Variants in TMCO1 observed in about 807,000 individuals in gnomAD.
The protein encoded by TMCO1 is transmembrane and coiled-coil domains 1.
TMCO1 carries 29 observed loss-of-function variants against 29.3 expected under a neutral mutation model. The observed-to-expected ratio is 0.99, with a 90% CI of 0.74 to 1.35. TMCO1 has a LOEUF of 1.35. TMCO1 is among the 40% of genes most tolerant of loss of function. TMCO1 has a pLI of 0.00. For synonymous variants in TMCO1, 80 were observed against 77.1 expected, an observed-to-expected ratio of 1.04 and a Z score of -0.20; for missense variants, 173 against 225.5, an observed-to-expected ratio of 0.77 and a Z score of 1.49.
chr1:165,758,128 C>T (rs990559132), intron 3 of TMCO1, among the ~76,000 whole-genome samples: 6 of 152,148 alleles, frequency 3.9e-5, no homozygotes, highest in Non-Finnish European at 7.4e-5. Context: ...ATTTCTTAGA[C>T]ATTTACCATC....
downstream of TMCO1, chr1:165,724,472 C>T: frequency 2.2e-6 from 1 of 454,104 alleles, no homozygotes. Flanking sequence ...CAGAGAGATG[C>T]TGATGAACCA....
chr1:165,760,635 C>A (rs1183939059), intron 2 of TMCO1, among the ~76,000 whole-genome samples: 1 of 151,894 alleles, frequency 6.6e-6, no homozygotes, highest in Non-Finnish European at 1.5e-5. Flanking sequence ...AAACCCATCT[C>A]TACTAAAAAT....
At position 165,752,087 on chromosome 1, in the gene TMCO1, T is replaced by C; in HGVS notation, c.323+15A>G. 6.3e-7 allele frequency: 1 copy of C among 1,598,924 alleles called. No individual in the cohort carries two copies. The highest frequency in any genetic ancestry group is 1.3e-5 in the African/African-American group (1 of 74,614). On this transcript the variant is annotated intron_variant, in intron 5 of 6. Transcript: ENST00000367881. ...GTAATAGTTATTAGTCAAAAGCATA[T>C]AAAAGGACACTCACATGGAATTGAA...
intron 5 of TMCO1, among the ~76,000 whole-genome samples, chr1:165,745,809 A>G (rs1256992546): frequency 6.6e-6 from 1 of 152,198 alleles, no homozygotes; most frequent in Non-Finnish European, 1.5e-5. Context: ...CTAAGACACA[A>G]TATTTTTTTT....
At chr1:165,733,277 A>C (rs961099604) in intron 6 of TMCO1, among the ~76,000 whole-genome samples, 1 of 152,100 alleles carries the variant, frequency 6.6e-6, no homozygotes, top group African/African-American at 2.4e-5. Flanking sequence ...ATAATCTCTC[A>C]ATTTTTCTTT....
At chr1:165,748,219 T>C (rs769522005) in intron 5 of TMCO1, among the ~76,000 whole-genome samples, 53 of 151,548 alleles carry the variant, frequency 3.5e-4, no homozygotes, top group Admixed American at 5.3e-4. Context: ...GTCCCCAACA[T>C]GGGTTACTAT....
intron 6 of TMCO1, among the ~76,000 whole-genome samples, chr1:165,736,685 A>C (rs901519764): frequency 2.0e-5 from 3 of 150,028 alleles, no homozygotes. Flanking sequence ...ATGCCACTGC[A>C]CTACAGCTTG....
intron 2 of TMCO1, among the ~76,000 whole-genome samples, chr1:165,761,668 G>T (rs1652409373): frequency 6.6e-6 from 1 of 152,118 alleles, no homozygotes; most frequent in Non-Finnish European, 1.5e-5. Context: ...AACATTTTAT[G>T]TCGGGTGCAG....
chr1:165,731,068 T>G (rs1039530125), intron 6 of TMCO1, among the ~76,000 whole-genome samples: 1 of 152,000 alleles, frequency 6.6e-6, no homozygotes, highest in African/African-American at 2.4e-5. Context: ...CCCAGCTAAT[T>G]TTTTGTATTT....
chr1:165,761,039 A>C (rs1185861906), intron 2 of TMCO1, among the ~76,000 whole-genome samples: 1 of 152,210 alleles, frequency 6.6e-6, no homozygotes, highest in Non-Finnish European at 1.5e-5. Flanking sequence ...TTAGTACATG[A>C]AGTTTGTCCC....
At chr1:165,753,039 C>G (rs555002442) in intron 4 of TMCO1, among the ~76,000 whole-genome samples, 2 of 152,118 alleles carry the variant, frequency 1.3e-5, no homozygotes, top group Admixed American at 6.6e-5. Flanking sequence ...ATTAATCAAG[C>G]TATATAATTA....
At chr1:165,750,422 T>C (rs1651951565) in intron 5 of TMCO1, among the ~76,000 whole-genome samples, 3 of 151,322 alleles carry the variant, frequency 2.0e-5, no homozygotes, top group Non-Finnish European at 4.4e-5. Flanking sequence ...GCACCTGTAA[T>C]CCCAGCTACT....
chr1:165,768,622 G>A, intron 1 of TMCO1, 60 bp downstream of exon 1: 2 of 1,613,104 alleles, frequency 1.2e-6, no homozygotes, highest in Non-Finnish European at 1.7e-6. Flanking sequence ...GTGGCACAGG[G>A]GACCCCGGGG....
At chr1:165,760,292 G>A (rs896000351) in intron 2 of TMCO1, among the ~76,000 whole-genome samples, 2 of 152,032 alleles carry the variant, frequency 1.3e-5, no homozygotes, top group Non-Finnish European at 2.9e-5. Context: ...TTAGCTGGGC[G>A]TAGTGGCATA....
chr1:165,739,521 G>A (rs1243982243), intron 6 of TMCO1, among the ~76,000 whole-genome samples: 1 of 151,982 alleles, frequency 6.6e-6, no homozygotes, highest in African/African-American at 2.4e-5. Flanking sequence ...CCAAGTAGCT[G>A]GGAGTAGAGG....
At chr1:165,763,367 T>C (rs1652462693) in intron 2 of TMCO1, among the ~76,000 whole-genome samples, 1 of 152,180 alleles carries the variant, frequency 6.6e-6, no homozygotes, top group Admixed American at 6.5e-5. Flanking sequence ...GGCCGCTCAT[T>C]TCATATTGTA....
Position 165,752,155 on chromosome 1 carries a change from G to A in TMCO1, c.270C>T (p.Ser90=), listed in dbSNP as rs775406963. The A allele has an allele frequency of 5.6e-6, 9 of 1,612,862 alleles. No homozygotes were observed. The highest frequency in any genetic ancestry group is 5.9e-6 in the Non-Finnish European group (7 of 1,179,498). The change falls in exon 5 of 7, where the codon TCC becomes TCT. Residue 90 remains serine, a synonymous_variant. Transcript: ENST00000367881. The part of the protein sequence containing the change: ...NRDLSMVRMK[S]MFAIGFCFTA... The stretch of plus-strand genomic sequence containing the variant: ...TAAAACAAAAGCCAATAGCAAACAT[G>A]GATTTCATTCGAACCTGTAATGAGA...
chr1:165,730,456 T>C (rs1651109762), intron 6 of TMCO1, among the ~76,000 whole-genome samples: 1 of 152,216 alleles, frequency 6.6e-6, no homozygotes, highest in Non-Finnish European at 1.5e-5. Context: ...AAATTATATT[T>C]ACCATAAAAT....
chr1:165,748,659 T>A (rs1193987831), intron 5 of TMCO1, among the ~76,000 whole-genome samples: 1 of 152,190 alleles, frequency 6.6e-6, no homozygotes, highest in African/African-American at 2.4e-5. Flanking sequence ...TGGATGAGAA[T>A]GCTGCTTTCA....
Sources: gnomAD v4.1 joint callset for allele counts (sites outside exome capture counted in the v4.1 genomes callset) on GRCh38, gnomAD v4.1.1 for gene constraint, MANE v1.5 for transcripts, NCBI Gene and HGNC (gene_info 2026-07-23, HGNC 2026-07-21) for gene names.